PRKN: variants seen among roughly 807,000 people sequenced by gnomAD.
The protein encoded by PRKN is E3 ubiquitin-protein ligase parkin.
PRKN carries 56 observed loss-of-function variants against 59.5 expected under a neutral mutation model. The ratio of observed to expected loss-of-function variants is 0.94; its 90% CI spans 0.76 to 1.18. The LOEUF (loss-of-function observed/expected upper bound fraction) is 1.18. Ranked by LOEUF, PRKN falls within the 50% of genes most tolerant of loss-of-function variation. The probability of loss-of-function intolerance (pLI) is 0.00; values close to 1 mark genes in which losing one functional copy is unlikely to be tolerated. For synonymous variants in PRKN, 250 were observed against 222.1 expected, an observed-to-expected ratio of 1.13 and a Z score of -1.12; for missense variants, 657 against 596.4, an observed-to-expected ratio of 1.10 and a Z score of -1.06.
chr6:161,469,324 C>T (rs1423734440), intron 9 of PRKN, among the ~76,000 whole-genome samples: 1 of 152,188 alleles, frequency 6.6e-6, no homozygotes, highest in African/African-American at 2.4e-5. Flanking sequence ...GAAGAGGTGC[C>T]TTCCGCCATG....
rs1055127633 is a variant in PRKN at position 162,419,817 on chromosome 6, AAGAG to A, written c.171+23489_171+23492del. On this transcript the variant is annotated intron_variant, in intron 2 of 11. Coordinates refer to ENST00000366898, the MANE Select transcript of PRKN (RefSeq NM_004562.3). ...ACAGGGACAGGGACAGAGAAAGAGA[AAGAG>A]AGAGAGAGAACCATTTTAGAAAGTT... is the stretch of plus-strand genomic sequence containing the variant. Among the ~76,000 whole-genome samples the A allele has an allele frequency of 2.6e-5, 4 of 151,794 alleles. No individual in the cohort carries two copies. The South Asian group carries it at 8.3e-4, about 32-fold the overall frequency.
intron 10 of PRKN, among the ~76,000 whole-genome samples, chr6:161,384,551 T>A (rs945450060): frequency 6.6e-6 from 1 of 152,138 alleles, no homozygotes; most frequent in African/African-American, 2.4e-5. Flanking sequence ...TCAAAAAAAA[T>A]GAAATAATGT....
chr6:162,022,798 A>C (rs1783258942), intron 5 of PRKN, among the ~76,000 whole-genome samples: 1 of 152,152 alleles, frequency 6.6e-6, no homozygotes, highest in Non-Finnish European at 1.5e-5. Context: ...AGTGCCTTAC[A>C]CATAAGTCTT....
intron 7 of PRKN, among the ~76,000 whole-genome samples, chr6:161,773,945 C>T (rs1789802327): frequency 6.6e-6 from 1 of 152,146 alleles, no homozygotes; most frequent in South Asian, 2.1e-4. Context: ...GCTGCTGGAG[C>T]TGTTTCAAAC....
chr6:161,767,008 G>A (rs1036350765), intron 7 of PRKN, among the ~76,000 whole-genome samples: 25 of 152,102 alleles, frequency 1.6e-4, no homozygotes, highest in Non-Finnish European at 5.9e-5. Flanking sequence ...GGTAATGTAC[G>A]CAAAAGGCCT....
intron 1 of PRKN, among the ~76,000 whole-genome samples, chr6:162,457,449 C>T (rs181897365): frequency 6.6e-6 from 1 of 152,230 alleles, no homozygotes; most frequent in African/African-American, 2.4e-5. Flanking sequence ...ACTGCAACTA[C>T]TTAAACCTAT....
chr6:161,909,037 G>A (rs1326397376), intron 6 of PRKN, among the ~76,000 whole-genome samples: 1 of 152,198 alleles, frequency 6.6e-6, no homozygotes, highest in Non-Finnish European at 1.5e-5. Flanking sequence ...AGGCAGCAAC[G>A]TGAGCCAGTG....
chr6:161,537,442 TTTTTC>T (rs895379201), intron 9 of PRKN, among the ~76,000 whole-genome samples: 8 of 152,092 alleles, frequency 5.3e-5, no homozygotes, highest in African/African-American at 1.7e-4. Context: ...AGTTCTTTTT[TTTTTC>T]TTTTCTTTTT....
chr6:161,544,342 G>T lies in PRKN; in HGVS notation c.1083+4512C>A, dbSNP rs577027652. On this transcript the variant is annotated intron_variant, in intron 9 of 11. Transcript: ENST00000366898. This position sits in a 1 kb window ranked among gnomAD's most constrained non-coding sequence, Gnocchi z 5.5. ...GTGTGCTATTAAAACACTGTATATT[G>T]TATAAGTATATAAAGGTGCTTACGT... Among the ~76,000 whole-genome samples the T allele has an allele frequency of 7.9e-5, 12 of 152,236 alleles. No individual in the cohort carries two copies. The highest frequency in any genetic ancestry group is 2.6e-4 in the African/African-American group (11 of 41,548).
In PRKN at chr6:161,363,032, G is replaced by T. The variant is rs1160635811; in HGVS notation, c.1168-2827C>A. On this transcript the variant is annotated intron_variant, in intron 10 of 11. Transcript: ENST00000366898. The surrounding 1 kb of genome is among the most constrained non-coding windows in gnomAD (Gnocchi z 4.1). ...TGAGGCAGGTGGATCACTTGAGGCC[G>T]GGTGTTCAAGACCAGCCTGGCCAAC... 6.6e-6 allele frequency among the ~76,000 whole-genome samples: 1 copy of T among 152,090 alleles called. No individual in the cohort carries two copies. The highest frequency in any genetic ancestry group is 1.5e-5 in the Non-Finnish European group (1 of 68,014).
chr6:161,649,256 C>T (rs986648033), intron 7 of PRKN, among the ~76,000 whole-genome samples: 5 of 152,152 alleles, frequency 3.3e-5, no homozygotes, highest in African/African-American at 1.2e-4. Flanking sequence ...TTATGGTGAG[C>T]GCCGTTCACA....
chr6:161,848,186 C>T (rs1261080840), intron 6 of PRKN, among the ~76,000 whole-genome samples: 1 of 152,048 alleles, frequency 6.6e-6, no homozygotes, highest in Non-Finnish European at 1.5e-5. Context: ...TCTTTCTTTT[C>T]CTCTTTATGT....
chr6:161,496,514 C>T (rs191119274), intron 9 of PRKN, among the ~76,000 whole-genome samples: 2 of 152,342 alleles, frequency 1.3e-5, no homozygotes, highest in East Asian at 1.9e-4. Flanking sequence ...GCACGTCTTA[C>T]GTGGTGGCAG....
chr6:161,648,492 A>G (rs1784039131), intron 7 of PRKN, among the ~76,000 whole-genome samples: 2 of 152,216 alleles, frequency 1.3e-5, no homozygotes, highest in South Asian at 4.1e-4. Context: ...CTTTCCTGCA[A>G]CTGTCCATGG....
In PRKN at chr6:161,704,181, A is replaced by G. The variant is rs539716988; in HGVS notation, c.871+81591T>C. ...GAGGACATGCATCTTTGTTTAGTTC[A>G]GGGATGGAAAGCAGAGCCTGTGTGG... is the stretch of plus-strand genomic sequence containing the variant. On this transcript the variant is annotated intron_variant, in intron 7 of 11. Transcript: ENST00000366898. Among the ~76,000 whole-genome samples, 4 of 152,174 alleles carry G rather than the reference A, an allele frequency of 2.6e-5. No individual in the cohort carries two copies. In the South Asian group the frequency reaches 8.3e-4, roughly 32 times the overall value.
At chr6:161,845,892 C>A (rs537332342) in intron 6 of PRKN, among the ~76,000 whole-genome samples, 1 of 152,142 alleles carries the variant, frequency 6.6e-6, no homozygotes, top group African/African-American at 2.4e-5. Flanking sequence ...CCTGTCAATC[C>A]GACACGAAGA....
chr6:161,618,617 C>T (rs1782778773), intron 7 of PRKN, among the ~76,000 whole-genome samples: 1 of 152,126 alleles, frequency 6.6e-6, no homozygotes, highest in Admixed American at 6.5e-5. Context: ...TGCACTGCCG[C>T]ATAAAAATGC....
At chr6:161,872,945 A>T (rs186266314) in intron 6 of PRKN, among the ~76,000 whole-genome samples, 5 of 147,284 alleles carry the variant, frequency 3.4e-5, no homozygotes, top group African/African-American at 1.2e-4. Flanking sequence ...GATGGCTGTA[A>T]GACATACAGT....
intron 2 of PRKN, among the ~76,000 whole-genome samples, chr6:162,383,813 C>A (rs1786630493): frequency 6.6e-6 from 1 of 152,178 alleles, no homozygotes; most frequent in Admixed American, 6.5e-5. Context: ...CATCGATGAT[C>A]ATAACCAGAA....
Sources: gnomAD v4.1 joint callset for allele counts (sites outside exome capture counted in the v4.1 genomes callset) on GRCh38, gnomAD v4.1.1 for gene constraint, Gnocchi (gnomAD v3.1) non-coding constraint, MANE v1.5 for transcripts, NCBI Gene and HGNC (gene_info 2026-07-23, HGNC 2026-07-21) for gene names.